Variants in RGS3 observed in about 807,000 individuals in gnomAD.
RGS3 encodes regulator of G-protein signalling 3.
In RGS3, 80 loss-of-function variants were observed where a neutral mutation model predicts 132.6. That is an observed-to-expected ratio of 0.60 (90% CI 0.50 to 0.73). The LOEUF (loss-of-function observed/expected upper bound fraction) is 0.73. Among genes scored for constraint, RGS3 ranks in the 30% least tolerant of loss-of-function variants. The pLI, the probability that RGS3 is intolerant of heterozygous loss-of-function variation, is 0.00. For missense variants in RGS3, 1,382 were observed against 1,530.8 expected (o/e 0.90, Z 1.62); for synonymous variants, 598 against 620.6 (o/e 0.96, Z 0.54).
chr9:113,493,397 C>T (rs918664088), intron 7 of RGS3, among the ~76,000 whole-genome samples: 1 of 152,150 alleles, frequency 6.6e-6, no homozygotes, highest in African/African-American at 2.4e-5. Flanking sequence ...GCTGAAGGAG[C>T]TGGGAGCAGG....
chr9:113,523,393 T>G (rs1472421316), intron 17 of RGS3, among the ~76,000 whole-genome samples: 1 of 152,132 alleles, frequency 6.6e-6, no homozygotes, highest in African/African-American at 2.4e-5. Flanking sequence ...TGAGACTGTT[T>G]CCTCCCGTGT....
At chr9:113,472,308 T>C (rs140290014) in intron 3 of RGS3, among the ~76,000 whole-genome samples, 2 of 152,276 alleles carry the variant, frequency 1.3e-5, no homozygotes, top group Admixed American at 6.5e-5. Flanking sequence ...CACAAACATG[T>C]GTACACACAC....
intron 19 of RGS3, chr9:113,582,761 T>A (rs1172184281): frequency 1.3e-5 from 2 of 152,310 alleles, no homozygotes; most frequent in Non-Finnish European, 1.5e-5. Flanking sequence ...GAGGAATCCC[T>A]GAGCTTCCTC....
intron 1 of RGS3, among the ~76,000 whole-genome samples, chr9:113,447,009 C>T (rs1829115337): frequency 6.6e-6 from 1 of 151,690 alleles, no homozygotes; most frequent in Admixed American, 6.6e-5. Flanking sequence ...CGCCTGTAAT[C>T]CCAGCACTTT....
chr9:113,464,194 T>C (rs553139007), intron 3 of RGS3, among the ~76,000 whole-genome samples: 1 of 152,384 alleles, frequency 6.6e-6, no homozygotes, highest in African/African-American at 2.4e-5. Context: ...GAGTTTCTCA[T>C]TAGCAAGCAG....
At chr9:113,485,098 T>TG (rs1465914909) in intron 6 of RGS3, among the ~76,000 whole-genome samples, 3 of 151,692 alleles carry the variant, frequency 2.0e-5, no homozygotes, top group Non-Finnish European at 2.9e-5. Flanking sequence ...AATGGAATTT[T>TG]TTTTTTTGAG....
chr9:113,485,249 G>A (rs962100440), intron 6 of RGS3, among the ~76,000 whole-genome samples: 2 of 152,032 alleles, frequency 1.3e-5, no homozygotes, highest in Admixed American at 6.6e-5. Flanking sequence ...CGCCATGCCT[G>A]GCTAATTTTT....
chr9:113,569,639 T>TTCCTTCCTTCCC (rs1554780251), intron 19 of RGS3, among the ~76,000 whole-genome samples: 1 of 146,444 alleles, frequency 6.8e-6, no homozygotes, highest in East Asian at 2.0e-4. Flanking sequence ...CCTTCCTTCC[T>TTCCTTCCTTCCC]TCCCTCCTTC....
At chr9:113,489,125 G>A (rs950984342) in intron 7 of RGS3, among the ~76,000 whole-genome samples, 1 of 152,188 alleles carries the variant, frequency 6.6e-6, no homozygotes, top group African/African-American at 2.4e-5. Context: ...TCAGAGAAGA[G>A]GAAACTGAGG....
Position 113,537,920 on chromosome 9 carries a change from A to C in RGS3, c.2037+1002A>C, listed in dbSNP as rs1832747153. ...TTCCCGAAAGGAGTGAGGATCTGAGAATTACATCATCTTAGCTGTGAACGT... is the reference window on the plus strand; with the variant it reads ...TTCCCGAAAGGAGTGAGGATCTGAGCATTACATCATCTTAGCTGTGAACGT... On this transcript the variant is annotated intron_variant, in intron 19 of 24. Transcript: ENST00000350696. This position sits in a 1 kb window ranked among gnomAD's most constrained non-coding sequence, Gnocchi z 4.3. 6.6e-6 allele frequency among the ~76,000 whole-genome samples: 1 copy of C among 152,178 alleles called. No individual in the cohort carries two copies. Among genetic ancestry groups the C allele is most frequent in the Non-Finnish European group, 1.5e-5 (1 of 68,036 alleles).
intron 19 of RGS3, among the ~76,000 whole-genome samples, chr9:113,562,215 C>T (rs1055316927): frequency 1.3e-5 from 2 of 152,170 alleles, no homozygotes; most frequent in African/African-American, 4.8e-5. Flanking sequence ...GTGGCTCTTG[C>T]CCGTAATCCC....
chr9:113,555,053 AT>A (rs1833512539), intron 19 of RGS3, among the ~76,000 whole-genome samples: 1 of 152,046 alleles, frequency 6.6e-6, no homozygotes, highest in Non-Finnish European at 1.5e-5. Context: ...TTCCAACCCG[AT>A]TTTTTTGAAT....
chr9:113,593,953 G>A, intron 21 of RGS3: 1 of 1,612,934 alleles, frequency 6.2e-7, no homozygotes, highest in Non-Finnish European at 8.5e-7. Context: ...AAATAGCTGG[G>A]ACTGGCTTCC....
rs1015332207 is a variant in RGS3, at chr9:113,593,998, C to T, written c.3081-432C>T. On this transcript the variant is annotated intron_variant, in intron 21 of 24. Coordinates refer to ENST00000350696, the Ensembl canonical transcript of RGS3. The stretch of plus-strand genomic sequence containing the variant: ...GGCCCCAGAGGCTGTCCCTTGCAGA[C>T]ACATGCCCCTTTCACGGCTCCCTCT... The T allele has an allele frequency of 8.1e-6, 13 of 1,613,076 alleles. No homozygotes were observed. In the Admixed American group the frequency reaches 2.2e-4, roughly 27 times the overall value.
intron 6 of RGS3, among the ~76,000 whole-genome samples, chr9:113,484,698 T>C (rs776583488): frequency 6.6e-5 from 10 of 152,206 alleles, no homozygotes; most frequent in Non-Finnish European, 1.5e-4. Flanking sequence ...CTCAGAGAGC[T>C]GTGGGGTATA....
intron 19 of RGS3, among the ~76,000 whole-genome samples, chr9:113,557,601 TGTC>T (rs1833619187): frequency 6.6e-6 from 1 of 152,208 alleles, no homozygotes; most frequent in Non-Finnish European, 1.5e-5. Flanking sequence ...AGATCTCAGA[TGTC>T]GTCTACTTCT....
At chr9:113,541,467 C>A in intron 19 of RGS3, 1 of 1,605,450 alleles carries the variant, frequency 6.2e-7, no homozygotes, top group South Asian at 1.1e-5. Flanking sequence ...GCAACTTAAC[C>A]CTTTCTTGGG....
At chr9:113,451,159 A>G (rs907006642) in intron 1 of RGS3, among the ~76,000 whole-genome samples, 2 of 151,640 alleles carry the variant, frequency 1.3e-5, no homozygotes, top group Non-Finnish European at 2.9e-5. Flanking sequence ...AGCCTGGGCA[A>G]CAGTGCAAGA....
At position 113,591,683 on chromosome 9, in the gene RGS3, T is replaced by TTCTGAG; in HGVS notation, c.3080+287_3080+292dup. The TTCTGAG allele has an allele frequency of 2.4e-6, 1 of 420,124 alleles. No individual in the cohort carries two copies. Among genetic ancestry groups the TTCTGAG allele is most frequent in the South Asian group, 2.6e-5 (1 of 38,232 alleles). 26.0% of individuals were successfully genotyped at this position (420,124 alleles called of 1,614,324 possible). On this transcript the variant is annotated intron_variant, in intron 21 of 24. Coordinates refer to ENST00000350696, the Ensembl canonical transcript of RGS3. This position sits in a 1 kb window ranked among gnomAD's most constrained non-coding sequence, Gnocchi z 4.4. ...CCGTTTGCCCTGGCTTTAGCCCAGC[T>TTCTGAG]TCTGAGCCAAGCAGGGACCAAGTGA...
Sources: gnomAD v4.1 joint callset for allele counts (sites outside exome capture counted in the v4.1 genomes callset) on GRCh38, gnomAD v4.1.1 for gene constraint, Gnocchi (gnomAD v3.1) non-coding constraint, MANE v1.5 for transcripts, NCBI Gene and HGNC (gene_info 2026-07-23, HGNC 2026-07-21) for gene names.